Variants in TFCP2L1 observed in about 807,000 individuals in gnomAD.
TFCP2L1 encodes the protein transcription factor CP2-like protein 1.
In TFCP2L1, 12 loss-of-function variants were observed where a neutral mutation model predicts 72.2. The observed-to-expected ratio is 0.17, with a 90% CI of 0.11 to 0.27. The LOEUF (loss-of-function observed/expected upper bound fraction) is 0.27, where lower values mean the gene tolerates loss of function less well. Ranked by LOEUF, TFCP2L1 falls within the 10% of genes least tolerant of loss-of-function variation. The pLI is 1.00. For synonymous variants in TFCP2L1, 260 were observed against 251.0 expected (o/e 1.04, Z -0.34); for missense variants, 488 against 624.6 (o/e 0.78, Z 2.33).
chr2:121,219,825 T>A lies in TFCP2L1; in HGVS notation c.*4516A>T, dbSNP rs1039273162. On this transcript the variant is annotated 3_prime_UTR_variant, in exon 15 of 15. Coordinates refer to ENST00000263707, the MANE Select transcript of TFCP2L1 (RefSeq NM_014553.3). ...GGGAAAACCCCTCAGATTCATTTCA[T>A]GGCAGGTTGGTGCCATCTTCAGAGA... 3 of 152,186 alleles carry A rather than the reference T, an allele frequency of 2.0e-5. No individual in the cohort carries two copies. The highest frequency in any genetic ancestry group is 2.9e-5 in the Non-Finnish European group (2 of 68,032). The allele number at this position is 152,186 out of a possible 1,614,324, so 9.4% of individuals were successfully genotyped here.
intron 1 of TFCP2L1, among the ~76,000 whole-genome samples, chr2:121,281,987 A>T (rs1163463807): frequency 6.6e-6 from 1 of 151,788 alleles, no homozygotes; most frequent in Non-Finnish European, 1.5e-5. Context: ...GCTGGAGTGC[A>T]AGTGGCGTGA....
chr2:121,222,933 G>A lies in TFCP2L1; in HGVS notation c.*1408C>T, dbSNP rs993440942. On this transcript the variant is annotated 3_prime_UTR_variant, in exon 15 of 15. Coordinates refer to ENST00000263707, the MANE Select transcript of TFCP2L1 (RefSeq NM_014553.3). ...TGACTAACAGAGCCCCTTTTATTCC[G>A]AGATGTCCTGGTTTATATGATAAAT... 5 of 152,168 alleles carry A rather than the reference G, an allele frequency of 3.3e-5. No homozygotes were observed. The highest frequency in any genetic ancestry group is 6.5e-5 in the Admixed American group (1 of 15,280). The allele number at this position is 152,168 out of a possible 1,614,324, so 9.4% of individuals were successfully genotyped here. A position where few individuals can be genotyped will look rare whatever the true frequency, so the allele number is the denominator to read the frequency against.
chr2:121,265,649 A>C (rs1686914795), intron 2 of TFCP2L1, among the ~76,000 whole-genome samples: 1 of 151,926 alleles, frequency 6.6e-6, no homozygotes, highest in East Asian at 1.9e-4. Context: ...ACGCCTGGCT[A>C]ATTTTTGTAT....
Position 121,222,717 on chromosome 2 carries a change from T to C in TFCP2L1, c.*1624A>G, listed in dbSNP as rs2104649112. The C allele has an allele frequency of 6.6e-6, 1 of 152,296 alleles. No individual in the cohort carries two copies. Among genetic ancestry groups the C allele is most frequent in the South Asian group, 2.1e-4 (1 of 4,816 alleles). 9.4% of individuals were successfully genotyped at this position (152,296 alleles called of 1,614,324 possible). A position where few individuals can be genotyped will look rare whatever the true frequency, so the allele number is the denominator to read the frequency against. ...AAAATGTACCAACGTTGACTGTAAT[T>C]CTGTGAATTGATGGTGGTTCTGTGA... On this transcript the variant is annotated 3_prime_UTR_variant, in exon 15 of 15. Coordinates refer to ENST00000263707, the MANE Select transcript of TFCP2L1 (RefSeq NM_014553.3).
intron 2 of TFCP2L1, among the ~76,000 whole-genome samples, chr2:121,277,988 A>T (rs1332807664): frequency 6.6e-6 from 1 of 151,852 alleles, no homozygotes; most frequent in African/African-American, 2.4e-5. Context: ...TACCAAATTA[A>T]CATGAGATGA....
In TFCP2L1 at chr2:121,220,790, G is replaced by A. The variant is rs1685914248; in HGVS notation, c.*3551C>T. 6.6e-6 allele frequency: 1 copy of A among 152,170 alleles called. No individual in the cohort carries two copies. Among genetic ancestry groups the A allele is most frequent in the Non-Finnish European group, 1.5e-5 (1 of 68,042 alleles). 9.4% of individuals were successfully genotyped at this position (152,170 alleles called of 1,614,324 possible). A position where few individuals can be genotyped will look rare whatever the true frequency, so the allele number is the denominator to read the frequency against. On this transcript the variant is annotated 3_prime_UTR_variant, in exon 15 of 15. Coordinates refer to ENST00000263707, the MANE Select transcript of TFCP2L1 (RefSeq NM_014553.3). ...TGGAAGGGATGAGCTGCTAAATTAG[G>A]CAGCTGAGATATTTTGGTACCAAAT...
intron 2 of TFCP2L1, among the ~76,000 whole-genome samples, chr2:121,273,386 G>T (rs1012331903): frequency 1.3e-5 from 2 of 152,122 alleles, no homozygotes; most frequent in African/African-American, 4.8e-5. Context: ...TGTCTACAAT[G>T]ACCTTTGGCC....
At chr2:121,242,795 G>C (rs945833381) in intron 6 of TFCP2L1, among the ~76,000 whole-genome samples, 7 of 152,192 alleles carry the variant, frequency 4.6e-5, no homozygotes, top group Non-Finnish European at 1.0e-4. Flanking sequence ...AGTGGAAGAA[G>C]TACAGGCTGC....
chr2:121,281,350 C>G (rs760387794), intron 1 of TFCP2L1, 79 bp from the exon 2 acceptor site: 3 of 1,483,500 alleles, frequency 2.0e-6, no homozygotes, highest in Non-Finnish European at 2.7e-6. Context: ...GCTAGAGAGA[C>G]GACGCAGACC....
At position 121,273,594 on chromosome 2, in the gene TFCP2L1, A is replaced by T. The variant is rs372785687; in HGVS notation, c.214+7526T>A. Among the ~76,000 whole-genome samples, 23 of 152,346 alleles carry T rather than the reference A, an allele frequency of 1.5e-4. No individual in the cohort carries two copies. In the East Asian group the frequency reaches 3.1e-3, roughly 20 times the overall value. ...TGTCCAAGCCACAGGTCCTCAAGGC[A>T]TTTGTTTGACACGGCACTGAGAAAT... On this transcript the variant is annotated intron_variant, in intron 2 of 14. Coordinates refer to ENST00000263707, the MANE Select transcript of TFCP2L1 (RefSeq NM_014553.3).
At chr2:121,247,585 A>T (rs796348722) in intron 5 of TFCP2L1, among the ~76,000 whole-genome samples, 4 of 151,984 alleles carry the variant, frequency 2.6e-5, no homozygotes, top group Admixed American at 1.3e-4. Context: ...GATCGCTTTT[A>T]TTGAGTGATT....
Position 121,232,106 on chromosome 2 carries a change from CT to C in TFCP2L1, c.1199-139del. 4.5e-5 allele frequency: 34 copies of C among 747,582 alleles called. No homozygotes were observed. The South Asian group carries it at 6.5e-4, about 14-fold the overall frequency. The allele number at this position is 747,582 out of a possible 1,614,324, so 46.3% of individuals were successfully genotyped here. ...GGCGGGGCAGGACCACACTGCCACTCTTTTTGTTTTGTTTTGTTTTGTTTTG... is the reference window on the plus strand; with the variant it reads ...GGCGGGGCAGGACCACACTGCCACTCTTTTGTTTTGTTTTGTTTTGTTTTG... On this transcript the variant is annotated intron_variant, in intron 12 of 14. Coordinates refer to ENST00000263707, the MANE Select transcript of TFCP2L1 (RefSeq NM_014553.3).
At position 121,279,580 on chromosome 2, in the gene TFCP2L1, C is replaced by T. The variant is rs549992391; in HGVS notation, c.214+1540G>A. Among the ~76,000 whole-genome samples the T allele has an allele frequency of 3.7e-3, 567 of 152,326 alleles. 7 individuals are homozygous for T. The highest frequency in any genetic ancestry group is 6.5e-3 in the Non-Finnish European group (442 of 68,030). ...CCCAGAGGGAGGCAGACAGAGCCAG[C>T]TGCTACTTCTGAGCTAGTTTCTTGG... On this transcript the variant is annotated intron_variant, in intron 2 of 14. Coordinates refer to ENST00000263707, the MANE Select transcript of TFCP2L1 (RefSeq NM_014553.3).
intron 13 of TFCP2L1, among the ~76,000 whole-genome samples, chr2:121,228,769 T>TCA (rs1283178270): frequency 8.5e-5 from 2 of 23,576 alleles, no homozygotes; most frequent in South Asian, 1.6e-3. Flanking sequence ...AAACCGTGAC[T>TCA]CACAAAAAAA....
intron 2 of TFCP2L1, among the ~76,000 whole-genome samples, chr2:121,278,905 G>C (rs550024265): frequency 6.6e-6 from 1 of 151,850 alleles, no homozygotes; most frequent in South Asian, 2.1e-4. Context: ...TTAGGAGGCT[G>C]AGGCAGGAGA....
chr2:121,243,058 T>C (rs1686410570), intron 6 of TFCP2L1, among the ~76,000 whole-genome samples: 1 of 152,172 alleles, frequency 6.6e-6, no homozygotes, highest in South Asian at 2.1e-4. Flanking sequence ...GCTCAAGGGG[T>C]TCATCAGGAT....
In TFCP2L1 at chr2:121,247,534, A is replaced by G. The variant is rs1294704360; in HGVS notation, c.505-564T>C. Among the ~76,000 whole-genome samples the G allele has an allele frequency of 2.0e-5, 3 of 151,974 alleles. No individual in the cohort carries two copies. In the East Asian group the frequency reaches 5.8e-4, roughly 29 times the overall value. On this transcript the variant is annotated intron_variant, in intron 5 of 14. Transcript: ENST00000263707. ...CAATGTAATAATTTTTAAACATATT[A>G]AGAGTATTGTAATTGTAAAAAAAAA...
At position 121,237,732 on chromosome 2, in the gene TFCP2L1, A is replaced by C. The variant is rs1282731781; in HGVS notation, c.910-16T>G. On this transcript the variant is annotated splice_polypyrimidine_tract_variant and intron_variant, in intron 9 of 14. Transcript: ENST00000263707. ...GGAGCAGGTGCTGTGAGCAGAGGGG[A>C]GAGGCCTTGAGATGGTGGCTCAGGG... The C allele has an allele frequency of 6.2e-7, 1 of 1,614,026 alleles. No homozygotes were observed. Among genetic ancestry groups the C allele is most frequent in the African/African-American group, 1.3e-5 (1 of 74,932 alleles).
intron 6 of TFCP2L1, among the ~76,000 whole-genome samples, chr2:121,242,877 C>T (rs947599990): frequency 5.9e-5 from 9 of 152,336 alleles, no homozygotes; most frequent in Middle Eastern, 3.4e-3. Flanking sequence ...TTACCCCCAA[C>T]TCTCAGGACT....
Sources: gnomAD v4.1 joint callset for allele counts (sites outside exome capture counted in the v4.1 genomes callset) on GRCh38, gnomAD v4.1.1 for gene constraint, MANE v1.5 for transcripts, NCBI Gene and HGNC (gene_info 2026-07-23, HGNC 2026-07-21) for gene names.